Variants in DNPH1 observed in about 807,000 individuals in gnomAD.
The protein encoded by DNPH1 is 5-hydroxymethyl-dUMP N-hydrolase.
Under a neutral mutation model 15.7 loss-of-function variants are expected in DNPH1, and 18 were observed. That is an observed-to-expected ratio of 1.15 (90% CI 0.79 to 1.70). The LOEUF is 1.70. DNPH1 is among the 40% of genes most tolerant of loss of function. The pLI is 0.00. For synonymous variants in DNPH1, 114 were observed against 107.9 expected (o/e 1.06, Z -0.35); for missense variants, 262 against 255.2 (o/e 1.03, Z -0.18).
In DNPH1 at chr6:43,225,840, A is replaced by G; in HGVS notation, c.418T>C (p.Phe140Leu). Residue 140 changes from phenylalanine to leucine, a missense_variant, in exon 4 of 4, where the codon TTC becomes CTC. Phe to Leu is a conservative substitution (Grantham distance 22). Transcript: ENST00000230431. ...CCCTCCTCATAGTCCCACACCTGGA[A>G]CCGAGAGCCATCTGCTGCTCCCCGG... is the stretch of plus-strand genomic sequence containing the variant. ...MIRGAADGSR[F>L]QVWDYEEGEV... is the part of the protein sequence containing the mutation. The G allele has an allele frequency of 1.2e-6, 2 of 1,614,140 alleles. No homozygotes were observed. The highest frequency in any genetic ancestry group is 1.7e-6 in the Non-Finnish European group (2 of 1,180,024).
In DNPH1 at chr6:43,226,492, T is replaced by TA; in HGVS notation, c.197-98_197-97insT. On this transcript the variant is annotated intron_variant, in intron 1 of 3. Coordinates refer to ENST00000230431, the MANE Select transcript of DNPH1 (RefSeq NM_006443.3). This position sits in a 1 kb window ranked among gnomAD's most constrained non-coding sequence, Gnocchi z 4.1. Reference sequence around the variant, plus strand: ...CCATACCCACCCTGCTCAGGGAGGGTGGGAGCCTTGTGCCAGATGACCTGA... The same window carrying TA: ...CCATACCCACCCTGCTCAGGGAGGGTAGGGAGCCTTGTGCCAGATGACCTGA... 8.8e-7 allele frequency: 1 copy of TA among 1,133,592 alleles called. No individual in the cohort carries two copies. Among genetic ancestry groups the TA allele is most frequent in the Non-Finnish European group, 1.2e-6 (1 of 814,458 alleles). 70.2% of individuals were successfully genotyped at this position (1,133,592 alleles called of 1,614,324 possible). A position where few individuals can be genotyped will look rare whatever the true frequency, so the allele number is the denominator to read the frequency against.
chr6:43,226,120 G>A lies in DNPH1; in HGVS notation c.289C>T (p.Pro97Ser), dbSNP rs1275429749. The A allele has an allele frequency of 1.9e-6, 3 of 1,613,282 alleles. No individual in the cohort carries two copies. The highest frequency in any genetic ancestry group is 1.3e-5 in the African/African-American group (1 of 74,940). ...AGCTCATAGCCTACACCCAAGGATGGCTGTGTCACTTCTGCCACGACCACT... is the reference window on the plus strand; with the variant it reads ...AGCTCATAGCCTACACCCAAGGATGACTGTGTCACTTCTGCCACGACCACT... Reference protein sequence around the residue: ...ADVVVAEVTQPSLGVGYELGR... With the variant: ...ADVVVAEVTQSSLGVGYELGR... Residue 97 changes from proline to serine, a missense_variant, in exon 3 of 4, where the codon CCA becomes TCA. Transcript: ENST00000230431. The surrounding 1 kb of genome is among the most constrained non-coding windows in gnomAD (Gnocchi z 4.1).
chr6:43,227,578 C>A (rs1182921661), intron 1 of DNPH1, among the ~76,000 whole-genome samples: 1 of 152,114 alleles, frequency 6.6e-6, no homozygotes, highest in Non-Finnish European at 1.5e-5. Flanking sequence ...TCCACTTGCA[C>A]AGGCCCTTTC....
intron 1 of DNPH1, among the ~76,000 whole-genome samples, chr6:43,227,190 T>C (rs561216661): frequency 6.6e-6 from 1 of 150,650 alleles, no homozygotes; most frequent in East Asian, 2.0e-4. Flanking sequence ...GCCAAGGCGG[T>C]AGGATCACGA....
At chr6:43,227,373 C>G (rs1776758398) in intron 1 of DNPH1, among the ~76,000 whole-genome samples, 1 of 152,022 alleles carries the variant, frequency 6.6e-6, no homozygotes, top group African/African-American at 2.4e-5. Context: ...GGAGATCACT[C>G]CACTGCACTC....
chr6:43,226,511 G>A lies in DNPH1; in HGVS notation c.197-116C>T. 3 of 859,832 alleles carry A rather than the reference G, an allele frequency of 3.5e-6. No individual in the cohort carries two copies. Among genetic ancestry groups the A allele is most frequent in the South Asian group, 1.8e-5 (1 of 56,134 alleles). 53.3% of individuals were successfully genotyped at this position (859,832 alleles called of 1,614,324 possible). On this transcript the variant is annotated intron_variant, in intron 1 of 3. Coordinates refer to ENST00000230431, the MANE Select transcript of DNPH1 (RefSeq NM_006443.3). This position sits in a 1 kb window ranked among gnomAD's most constrained non-coding sequence, Gnocchi z 4.1. ...GGAGGGTGGGAGCCTTGTGCCAGAT[G>A]ACCTGACCAAACATGACAATCTCAT...
At position 43,229,321 on chromosome 6, in the gene DNPH1, G is replaced by A; in HGVS notation, c.136C>T (p.Leu46=). 6.7e-7 allele frequency: 1 copy of A among 1,488,612 alleles called. No homozygotes were observed. The highest frequency in any genetic ancestry group is 8.9e-7 in the Non-Finnish European group (1 of 1,122,580). The allele number at this position is 1,488,612 out of a possible 1,614,324, so 92.2% of individuals were successfully genotyped here. ...GTGAGCACTGTCCCGAATCGCCGCA[G>A]CCGAGACACGATCCGCTCGTACAGC... The part of the protein sequence containing the change: ...RTLYERIVSR[L]RRFGTVLTEH... Residue 46 remains leucine, a synonymous_variant, in exon 1 of 4, where the codon CTG becomes TTG. Transcript: ENST00000230431.
rs372379209 is a variant in DNPH1, at chr6:43,226,317, C to T, written c.265+10G>A. ...GGAGTTAGGTGCTGGAAGGAGGGAG[C>T]GCCACTCACCGTCCGCCTGCTGCAG... On this transcript the variant is annotated intron_variant, in intron 2 of 3. Transcript: ENST00000230431. This position sits in a 1 kb window ranked among gnomAD's most constrained non-coding sequence, Gnocchi z 4.1. The T allele has an allele frequency of 2.8e-4, 446 of 1,611,078 alleles. 1 individual carries two copies. In the African/African-American group the frequency reaches 4.9e-3, roughly 18 times the overall value.
At chr6:43,228,367 T>C (rs935496154) in intron 1 of DNPH1, among the ~76,000 whole-genome samples, 4 of 151,938 alleles carry the variant, frequency 2.6e-5, no homozygotes, top group African/African-American at 9.7e-5. Flanking sequence ...GGCTGGAGGA[T>C]CATGAGTTTA....
chr6:43,227,276 G>A (rs1046684533), intron 1 of DNPH1, among the ~76,000 whole-genome samples: 2 of 152,082 alleles, frequency 1.3e-5, no homozygotes, highest in Non-Finnish European at 2.9e-5. Flanking sequence ...TTAGCCAGGC[G>A]TGGTAGCAGG....
chr6:43,229,431 C>T lies in DNPH1; in HGVS notation c.26G>A (p.Arg9His). The change falls in exon 1 of 4, where the codon CGC (arginine) becomes CAC (histidine). Residue 9 changes from arginine to histidine, a missense_variant. Transcript: ENST00000230431. Reference protein sequence around the residue: MAAAMVPGRSESWERGEPG... With the variant: MAAAMVPGHSESWERGEPG... The stretch of plus-strand genomic sequence containing the variant: ...CTCCCCGCGCTCCCAGCTCTCGCTG[C>T]GCCCCGGCACCATGGCAGCAGCCAT... The T allele has an allele frequency of 7.2e-7, 1 of 1,384,832 alleles. No individual in the cohort carries two copies. Among genetic ancestry groups the T allele is most frequent in the South Asian group, 1.6e-5 (1 of 62,414 alleles). The allele number at this position is 1,384,832 out of a possible 1,614,324, so 85.8% of individuals were successfully genotyped here.
rs1015580954 is a variant in DNPH1, at chr6:43,229,224, G to GCCCGCGTC, written c.196+29_196+36dup. The GCCCGCGTC allele has an allele frequency of 1.7e-5, 22 of 1,299,806 alleles. No individual in the cohort carries two copies. In the Admixed American group the frequency reaches 2.1e-4, roughly 12 times the overall value. 80.5% of individuals were successfully genotyped at this position (1,299,806 alleles called of 1,614,324 possible). On this transcript the variant is annotated intron_variant, in intron 1 of 3. Transcript: ENST00000230431. ...TCCCTGCCACCCCAGCCAGGTCCGC[G>GCCCGCGTC]CCCGCGTCCCCGCGTCCCGCGGCCC... is the stretch of plus-strand genomic sequence containing the variant.
rs1362621689 is a variant in DNPH1 at position 43,229,158 on chromosome 6, G to C, written c.196+103C>G. 4 of 1,192,300 alleles carry C rather than the reference G, an allele frequency of 3.4e-6. No individual in the cohort carries two copies. The South Asian group carries it at 6.5e-5, about 20-fold the overall frequency. The allele number at this position is 1,192,300 out of a possible 1,614,324, so 73.9% of individuals were successfully genotyped here. ...GTAGGAGGGCGGGCTCCGGGCGCCG[G>C]GAGCGCAGCTGCCGGGGGTCGGGGG... On this transcript the variant is annotated intron_variant, in intron 1 of 3. Coordinates refer to ENST00000230431, the MANE Select transcript of DNPH1 (RefSeq NM_006443.3).
At position 43,229,156 on chromosome 6, in the gene DNPH1, C is replaced by T. The variant is rs566440533; in HGVS notation, c.196+105G>A. ...GGGTAGGAGGGCGGGCTCCGGGCGC[C>T]GGGAGCGCAGCTGCCGGGGGTCGGG... On this transcript the variant is annotated intron_variant, in intron 1 of 3. Coordinates refer to ENST00000230431, the MANE Select transcript of DNPH1 (RefSeq NM_006443.3). 873 of 1,178,462 alleles carry T rather than the reference C, an allele frequency of 7.4e-4. 3 individuals are homozygous for T. The African/African-American group carries it at 0.012, about 17-fold the overall frequency. The allele number at this position is 1,178,462 out of a possible 1,614,324, so 73.0% of individuals were successfully genotyped here. A position where few individuals can be genotyped will look rare whatever the true frequency, so the allele number is the denominator to read the frequency against.
At chr6:43,228,755 G>A (rs1776778443) in intron 1 of DNPH1, among the ~76,000 whole-genome samples, 1 of 148,844 alleles carries the variant, frequency 6.7e-6, no homozygotes, top group African/African-American at 2.5e-5. Context: ...GAACCCGGGA[G>A]GTCGAGGTTG....
Position 43,226,187 on chromosome 6 carries a change from G to C in DNPH1, c.266-44C>G. On this transcript the variant is annotated intron_variant, in intron 2 of 3. Coordinates refer to ENST00000230431, the MANE Select transcript of DNPH1 (RefSeq NM_006443.3). The surrounding 1 kb of genome is among the most constrained non-coding windows in gnomAD (Gnocchi z 4.1). ...GGAAGCCTCAGCATTGGGGGCACTTGAGGTTCATAAGGAAGACGACGGTGT... is the reference window on the plus strand; with the variant it reads ...GGAAGCCTCAGCATTGGGGGCACTTCAGGTTCATAAGGAAGACGACGGTGT... The C allele has an allele frequency of 6.2e-7, 1 of 1,610,068 alleles. No individual in the cohort carries two copies. Among genetic ancestry groups the C allele is most frequent in the South Asian group, 1.1e-5 (1 of 90,852 alleles).
chr6:43,228,604 T>C (rs1475344423), intron 1 of DNPH1, among the ~76,000 whole-genome samples: 1 of 152,064 alleles, frequency 6.6e-6, no homozygotes, highest in Non-Finnish European at 1.5e-5. Flanking sequence ...GGCGGGCAGA[T>C]CACCTGAGGT....
chr6:43,229,302 A>G lies in DNPH1; in HGVS notation c.155T>C (p.Val52Ala). Residue 52 changes from valine (V) to alanine (A), a missense_variant, in exon 1 of 4, where the codon GTG (valine) becomes GCG (alanine). Val to Ala is a moderately conservative substitution (Grantham distance 64, BLOSUM62 0). Transcript: ENST00000230431. ...IVSRLRRFGT[V>A]LTEHVAAAEL... ...GGCGGCCGCCACGTGCTCGGTGAGCACTGTCCCGAATCGCCGCAGCCGAGA... is the reference window on the plus strand; with the variant it reads ...GGCGGCCGCCACGTGCTCGGTGAGCGCTGTCCCGAATCGCCGCAGCCGAGA... 1 of 1,477,436 alleles carries G rather than the reference A, an allele frequency of 6.8e-7. No individual in the cohort carries two copies. Among genetic ancestry groups the G allele is most frequent in the Non-Finnish European group, 9.0e-7 (1 of 1,116,884 alleles). 91.5% of individuals were successfully genotyped at this position (1,477,436 alleles called of 1,614,324 possible).
chr6:43,229,405 G>T lies in DNPH1; in HGVS notation c.52C>A (p.Pro18Thr), dbSNP rs916481611. Residue 18 changes from proline (P) to threonine (T), a missense_variant, in exon 1 of 4, where the codon CCT becomes ACT. By Grantham distance (38) the Pro-to-Thr change is conservative. Coordinates refer to ENST00000230431, the MANE Select transcript of DNPH1 (RefSeq NM_006443.3). ...GRSESWERGE[P>T]GRPALYFCGS... ...CAGAAGTACAGGGCCGGGCGGCCAG[G>T]CTCCCCGCGCTCCCAGCTCTCGCTG... The T allele has an allele frequency of 1.1e-5, 15 of 1,425,112 alleles. No homozygotes were observed. The highest frequency in any genetic ancestry group is 1.5e-5 in the African/African-American group (1 of 67,698). 88.3% of individuals were successfully genotyped at this position (1,425,112 alleles called of 1,614,324 possible). A position where few individuals can be genotyped will look rare whatever the true frequency, so the allele number is the denominator to read the frequency against.
Sources: gnomAD v4.1 joint callset for allele counts (sites outside exome capture counted in the v4.1 genomes callset) on GRCh38, gnomAD v4.1.1 for gene constraint, Gnocchi (gnomAD v3.1) non-coding constraint, MANE v1.5 for transcripts, NCBI Gene and HGNC (gene_info 2026-07-23, HGNC 2026-07-21) for gene names.